The following R3HDM1 variants were observed in gnomAD, a reference collection of about 807,000 sequenced individuals.
R3HDM1 encodes the protein R3H domain containing 1.
In R3HDM1, 46 loss-of-function variants were observed where a neutral mutation model predicts 141.1. That is an observed-to-expected ratio of 0.33 (90% confidence interval 0.26 to 0.42). The LOEUF (loss-of-function observed/expected upper bound fraction) is 0.42, where lower values mean the gene tolerates loss of function less well. Among genes scored for constraint, R3HDM1 ranks in the 10% least tolerant of loss-of-function variants. The pLI is 1.00. For synonymous variants in R3HDM1, 435 were observed against 472.9 expected (o/e 0.92, Z 1.04); for missense variants, 1,184 against 1,368.3 (o/e 0.87, Z 2.12).
chr2:135,661,521 G>T (rs1269753398), intron 19 of R3HDM1, 128 bp downstream of exon 19: 3 of 1,194,764 alleles, frequency 2.5e-6, no homozygotes, highest in Non-Finnish European at 3.5e-6. Flanking sequence ...ATATGAGTTT[G>T]CAAACCAATG....
In R3HDM1 at chr2:135,709,636, G is replaced by A. The variant is rs2075395904; in HGVS notation, c.2563+100G>A. 7.9e-6 allele frequency: 11 copies of A among 1,391,902 alleles called. No individual in the cohort carries two copies. In the Admixed American group the frequency reaches 2.3e-4, roughly 29 times the overall value. 86.2% of individuals were successfully genotyped at this position (1,391,902 alleles called of 1,614,324 possible). On this transcript the variant is annotated intron_variant, in intron 22 of 26. Coordinates refer to ENST00000683871, the MANE Select transcript of R3HDM1 (RefSeq NM_001378107.1). ...TACAAAAAGCTTCTCAATTTGTGAT[G>A]TGCTGAAATACACCCACAATATTGA... is the stretch of plus-strand genomic sequence containing the variant.
intron 1 of R3HDM1, chr2:135,586,780 T>C: frequency 3.0e-6 from 3 of 984,994 alleles, no homozygotes; most frequent in Non-Finnish European, 2.4e-6. Flanking sequence ...TGTAACTTAC[T>C]GATAGAATGG....
chr2:135,555,512 CACTT>C (rs943861314), intron 1 of R3HDM1, among the ~76,000 whole-genome samples: 1 of 152,044 alleles, frequency 6.6e-6, no homozygotes, highest in African/African-American at 2.4e-5. Context: ...ATTTGTTAAA[CACTT>C]AAATAAGTAA....
At chr2:135,559,050 AGTGTGTGTGTGTGTGTGT>A (rs10684618) in intron 1 of R3HDM1, 5 of 842,332 alleles carry the variant, frequency 5.9e-6, no homozygotes, top group South Asian at 6.4e-5. Context: ...GATTCCACAA[AGTGTGTGTGTGTGTGTGT>A]GTGTGTGTGT....
chr2:135,596,069 G>A (rs1043464804), intron 1 of R3HDM1, among the ~76,000 whole-genome samples: 3 of 152,140 alleles, frequency 2.0e-5, no homozygotes, highest in Middle Eastern at 3.2e-3. Flanking sequence ...TGCGATCTCA[G>A]CTCACTGCAA....
intron 23 of R3HDM1, among the ~76,000 whole-genome samples, chr2:135,712,224 G>A (rs969438480): frequency 1.3e-5 from 2 of 151,812 alleles, no homozygotes; most frequent in Non-Finnish European, 2.9e-5. Context: ...CACCAGGCTG[G>A]ACTGCATTTG....
chr2:135,574,173 G>T, intron 1 of R3HDM1, among the ~76,000 whole-genome samples: 1 of 152,038 alleles, frequency 6.6e-6, no homozygotes, highest in Admixed American at 6.6e-5. Flanking sequence ...AGATAAAGCG[G>T]TAAATAACCA....
chr2:135,592,193 T>C (rs560364967), intron 1 of R3HDM1, among the ~76,000 whole-genome samples: 1 of 152,306 alleles, frequency 6.6e-6, no homozygotes, highest in Admixed American at 6.5e-5. Context: ...AACTATATCA[T>C]AGTAACCTCA....
chr2:135,689,939 G>GA (rs142500601), intron 21 of R3HDM1, among the ~76,000 whole-genome samples: 37 of 151,962 alleles, frequency 2.4e-4, no homozygotes, highest in African/African-American at 8.9e-4. Flanking sequence ...TTTTTATCTT[G>GA]AAATTCAAAA....
chr2:135,544,364 C>G (rs1040991458), intron 1 of R3HDM1, among the ~76,000 whole-genome samples: 1 of 152,144 alleles, frequency 6.6e-6, no homozygotes, highest in Non-Finnish European at 1.5e-5. Context: ...ATTAGATTTA[C>G]TGGAATAGGG....
At position 135,604,790 on chromosome 2, in the gene R3HDM1, A is replaced by T; in HGVS notation, c.-40-16A>T. The T allele has an allele frequency of 6.5e-7, 1 of 1,546,350 alleles. No homozygotes were observed. The highest frequency in any genetic ancestry group is 1.1e-5 in the South Asian group (1 of 88,774). ...TGTAAAAAAGTTTCAAACTGTATTA[A>T]TTTTTTTTTCTTAAGGCTTCAAGCT... On this transcript the variant is annotated splice_polypyrimidine_tract_variant and intron_variant, in intron 2 of 26. Coordinates refer to ENST00000683871, the MANE Select transcript of R3HDM1 (RefSeq NM_001378107.1).
At chr2:135,534,650 G>T (rs1414139087) in intron 1 of R3HDM1, among the ~76,000 whole-genome samples, 1 of 152,224 alleles carries the variant, frequency 6.6e-6, no homozygotes. Flanking sequence ...GCAAAATAAC[G>T]AGGTGAGGTA....
intron 1 of R3HDM1, among the ~76,000 whole-genome samples, chr2:135,602,075 T>C (rs2059667933): frequency 6.6e-6 from 1 of 152,064 alleles, no homozygotes; most frequent in African/African-American, 2.4e-5. Context: ...AAATCTAGAA[T>C]GTTATTACGG....
chr2:135,540,591 T>G (rs1399409300), intron 1 of R3HDM1, among the ~76,000 whole-genome samples: 3 of 152,174 alleles, frequency 2.0e-5, no homozygotes, highest in African/African-American at 7.2e-5. Context: ...TATTTATTTA[T>G]TTATTTTTGT....
intron 18 of R3HDM1, among the ~76,000 whole-genome samples, chr2:135,654,427 T>TTG (rs2065524728): frequency 9.4e-5 from 14 of 149,216 alleles, no homozygotes; most frequent in African/African-American, 2.2e-4. Flanking sequence ...AATGTTTTCT[T>TTG]TTGTTGTTGT....
intron 21 of R3HDM1, among the ~76,000 whole-genome samples, chr2:135,696,930 G>A (rs1490088720): frequency 6.6e-6 from 1 of 152,182 alleles, no homozygotes; most frequent in Non-Finnish European, 1.5e-5. Flanking sequence ...AGGAATAAAG[G>A]TAGACTTGAA....
At chr2:135,675,287 A>G (rs746379414) in intron 19 of R3HDM1, 45 bp from the exon 20 acceptor site, 1 of 1,530,838 alleles carries the variant, frequency 6.5e-7, no homozygotes, top group Admixed American at 2.0e-5. Context: ...ATCTTACTAG[A>G]TGAAATGAAT....
At chr2:135,647,081 A>G (rs1248406545) in intron 16 of R3HDM1, among the ~76,000 whole-genome samples, 1 of 152,186 alleles carries the variant, frequency 6.6e-6, no homozygotes, top group African/African-American at 2.4e-5. Context: ...CAGTTTTTTA[A>G]AAAGAAGAAC....
intron 21 of R3HDM1, among the ~76,000 whole-genome samples, chr2:135,685,022 C>T (rs576018696): frequency 6.6e-6 from 1 of 152,242 alleles, no homozygotes; most frequent in South Asian, 2.1e-4. Flanking sequence ...CCTCTACCCC[C>T]AAAGTGCTAG....
Sources: gnomAD v4.1 joint callset for allele counts (sites outside exome capture counted in the v4.1 genomes callset) on GRCh38, gnomAD v4.1.1 for gene constraint, MANE v1.5 for transcripts, NCBI Gene and HGNC (gene_info 2026-07-23, HGNC 2026-07-21) for gene names.